DYNC2I2: variants seen among roughly 807,000 people sequenced by gnomAD.
The protein encoded by DYNC2I2 is dynein 2 intermediate chain 2.
In DYNC2I2, 39 loss-of-function variants were observed where a neutral mutation model predicts 52.0. That is an observed-to-expected ratio of 0.75 (90% confidence interval 0.58 to 0.98). The LOEUF (loss-of-function observed/expected upper bound fraction) is 0.98. Ranked by LOEUF, DYNC2I2 falls within the 50% of genes least tolerant of loss-of-function variation. The pLI, the probability that DYNC2I2 is intolerant of heterozygous loss-of-function variation, is 0.00. For synonymous variants in DYNC2I2, 359 were observed against 321.1 expected, an observed-to-expected ratio of 1.12 and a Z score of -1.26; for missense variants, 743 against 728.4, an observed-to-expected ratio of 1.02 and a Z score of -0.23.
chr9:128,655,668 G>A (rs1860807083), intron 1 of DYNC2I2, among the ~76,000 whole-genome samples: 1 of 151,168 alleles, frequency 6.6e-6, no homozygotes. Flanking sequence ...CCAGCACTTT[G>A]GAAGGCCGAG....
At chr9:128,654,590 T>C (rs7849746) in intron 1 of DYNC2I2, among the ~76,000 whole-genome samples, 131,489 of 151,832 alleles carry the variant, frequency 0.87, 57,632 homozygotes, top group Non-Finnish European at 0.95. Flanking sequence ...TAGGGTCTCA[T>C]TCTGTTACCC....
At chr9:128,640,025 T>TTTTTTTTTTG (rs1589431430) in intron 2 of DYNC2I2, among the ~76,000 whole-genome samples, 1 of 148,622 alleles carries the variant, frequency 6.7e-6, no homozygotes. Flanking sequence ...TTTTTTTTTT[T>TTTTTTTTTTG]GAGACAGAGT....
Position 128,636,381 on chromosome 9 carries a change from GT to G in DYNC2I2, c.602del (p.Asp201AlafsTer47). On this transcript the variant is annotated frameshift_variant, in exon 4 of 9. Transcript: ENST00000372715. LOFTEE classifies it high-confidence loss of function. ...LKSFVCAWNL[D>X]RRDLRPQQPS... Reference sequence around the variant, plus strand: ...GCTGCTGGGGACGCAGGTCTCGCCGGTCCAGGTTCCAGGCACACACGAAGGA... The same window carrying G: ...GCTGCTGGGGACGCAGGTCTCGCCGGCCAGGTTCCAGGCACACACGAAGGA... The G allele has an allele frequency of 1.2e-6, 2 of 1,610,372 alleles. No homozygotes were observed. The highest frequency in any genetic ancestry group is 1.7e-6 in the Non-Finnish European group (2 of 1,178,756).
intron 2 of DYNC2I2, 45 bp from the exon 3 acceptor site, chr9:128,637,072 G>A (rs779393506): frequency 4.1e-6 from 6 of 1,462,880 alleles, no homozygotes; most frequent in Non-Finnish European, 5.7e-6. Flanking sequence ...ACCAGCAGGG[G>A]CCTCATGACT....
chr9:128,681,236 G>T, the DYNC2I2 span, among the ~76,000 whole-genome samples: 2 of 152,030 alleles, frequency 1.3e-5, no homozygotes, highest in Non-Finnish European at 1.5e-5. Flanking sequence ...GACTACAGGT[G>T]CGTGCCACCA....
chr9:128,636,071 G>A (rs1470986222), intron 4 of DYNC2I2: 8 of 852,648 alleles, frequency 9.4e-6, no homozygotes, highest in African/African-American at 1.7e-5. Flanking sequence ...CCCTGTCCTG[G>A]CCCCGACCCT....
intron 2 of DYNC2I2, among the ~76,000 whole-genome samples, chr9:128,638,547 A>T (rs1263414612): frequency 1.3e-5 from 2 of 152,156 alleles, no homozygotes; most frequent in African/African-American, 4.8e-5. Flanking sequence ...TAAAAAAATA[A>T]AAAAGAAACT....
intron 2 of DYNC2I2, among the ~76,000 whole-genome samples, chr9:128,638,791 C>G (rs915938811): frequency 2.0e-5 from 3 of 152,252 alleles, no homozygotes; most frequent in Admixed American, 1.3e-4. Flanking sequence ...GGGAATAGCC[C>G]AAATGTCCAT....
At chr9:128,667,050 T>C in the DYNC2I2 span, among the ~76,000 whole-genome samples, 33 of 151,254 alleles carry the variant, frequency 2.2e-4, no homozygotes, top group African/African-American at 7.7e-4. Context: ...AATACAAAAA[T>C]TGGCCAGGTG....
At position 128,640,685 on chromosome 9, in the gene DYNC2I2, C is replaced by A; in HGVS notation, c.435+6G>T. ...CGACCCGAGGCTGCACCAGCCCATC[C>A]CCTACCATCTGCTGCTGCTCGGTCC... On this transcript the variant is annotated splice_donor_region_variant and intron_variant, in intron 2 of 8. Transcript: ENST00000372715. The A allele has an allele frequency of 6.2e-7, 1 of 1,612,936 alleles. No individual in the cohort carries two copies. The highest frequency in any genetic ancestry group is 8.5e-7 in the Non-Finnish European group (1 of 1,179,206).
the DYNC2I2 span, among the ~76,000 whole-genome samples, chr9:128,662,914 C>T: frequency 0.022 from 3,341 of 151,642 alleles, 111 homozygotes; most frequent in African/African-American, 0.077. Flanking sequence ...AAGCATTTCT[C>T]ATGTCTCAGT....
Position 128,633,743 on chromosome 9 carries a change from C to G in DYNC2I2, c.*1G>C. On this transcript the variant is annotated 3_prime_UTR_variant, in exon 9 of 9. Transcript: ENST00000372715. ...GGCTTGCACCCGCCTCCCGGGACCC[C>G]TCAGGCCGCCACCTCTGCTGCCAGG... The G allele has an allele frequency of 6.2e-7, 1 of 1,612,536 alleles. No individual in the cohort carries two copies. Among genetic ancestry groups the G allele is most frequent in the Non-Finnish European group, 8.5e-7 (1 of 1,179,936 alleles).
In DYNC2I2 at chr9:128,634,885, C is replaced by A; in HGVS notation, c.1018G>T (p.Val340Leu). 6.2e-7 allele frequency: 1 copy of A among 1,613,198 alleles called. No individual in the cohort carries two copies. The highest frequency in any genetic ancestry group is 2.2e-5 in the East Asian group (1 of 44,862). The change falls in exon 7 of 9, where the codon GTG (valine) becomes TTG (leucine). Residue 340 changes from valine (V) to leucine (L), a missense_variant. By Grantham distance (32) the Val-to-Leu change is conservative (BLOSUM62 1). Coordinates refer to ENST00000372715, the MANE Select transcript of DYNC2I2 (RefSeq NM_052844.4). ...RGETEVGATA[V>L]AFSSFDPRLF... ...CTAGGGTCAAAGCTGGAGAAGGCCACTGCCGTGGCGCCCACCTCGGTCTCC... is the reference window on the plus strand; with the variant it reads ...CTAGGGTCAAAGCTGGAGAAGGCCAATGCCGTGGCGCCCACCTCGGTCTCC...
In DYNC2I2 at chr9:128,633,924, C is replaced by G; in HGVS notation, c.1431G>C (p.Lys477Asn). Residue 477 changes from lysine (K) to asparagine (N), a missense_variant, in exon 9 of 9, where the codon AAG becomes AAC. Physicochemically the swap from Lys to Asn is moderately conservative, Grantham distance 94. Coordinates refer to ENST00000372715, the MANE Select transcript of DYNC2I2 (RefSeq NM_052844.4). ...AGACAGGGCTTTCATCCTGGGTTTG[C>G]TTGATCAAAACTGTGGGTTTCTGGG... ...KSSQKPTVLI[K>N]QTQDESPVYC... 1 of 1,613,206 alleles carries G rather than the reference C, an allele frequency of 6.2e-7. No homozygotes were observed. The highest frequency in any genetic ancestry group is 8.5e-7 in the Non-Finnish European group (1 of 1,180,028).
At chr9:128,644,675 G>A (rs915963601) in intron 1 of DYNC2I2, among the ~76,000 whole-genome samples, 3 of 152,158 alleles carry the variant, frequency 2.0e-5, no homozygotes, top group Admixed American at 1.3e-4. Flanking sequence ...GCCGCACCAC[G>A]TGTCACTGCG....
chr9:128,658,719 T>TG (rs1356922109), upstream of DYNC2I2, among the ~76,000 whole-genome samples: 248 of 110,624 alleles, frequency 2.2e-3, 3 homozygotes, highest in Non-Finnish European at 3.8e-3. Flanking sequence ...TCACCTGACC[T>TG]AATTTTTTTT....
Position 128,634,762 on chromosome 9 carries a change from G to A in DYNC2I2, c.1141C>T (p.Arg381Trp), listed in dbSNP as rs756766985. 1.1e-5 allele frequency: 18 copies of A among 1,605,626 alleles called. No individual in the cohort carries two copies. The highest frequency in any genetic ancestry group is 8.0e-5 in the African/African-American group (6 of 74,800). Reference sequence around the variant, plus strand: ...GAGAAGGTAAACTGTGCTGGGGCCCGCAGGGGCACGGAGCTGGGCATCCGC... The same window carrying A: ...GAGAAGGTAAACTGTGCTGGGGCCCACAGGGGCACGGAGCTGGGCATCCGC... ...LTRMPSSVPL[R>W]APAQFTFSPH... The change falls in exon 7 of 9, where the codon CGG (arginine) becomes TGG (tryptophan). Residue 381 changes from arginine to tryptophan, a missense_variant. Transcript: ENST00000372715.
At chr9:128,678,448 ATTTTTTTTTT>A in the DYNC2I2 span, among the ~76,000 whole-genome samples, 47 of 61,378 alleles carry the variant, frequency 7.7e-4, no homozygotes, top group African/African-American at 2.6e-3. Flanking sequence ...ACCACAGGTA[ATTTTTTTTTT>A]TTTTTTTTTT....
rs776141354 is a variant in DYNC2I2 at position 128,633,865 on chromosome 9, AG to A, written c.1489del (p.Leu497SerfsTer11). On this transcript the variant is annotated frameshift_variant, in exon 9 of 9. Coordinates refer to ENST00000372715, the MANE Select transcript of DYNC2I2 (RefSeq NM_052844.4). LOFTEE classifies it high-confidence loss of function. The stretch of plus-strand genomic sequence containing the variant: ...GCCCTGGGCATCGCCCGCAGCCAAG[AG>A]CTGAGTCTGCTGGCTGTTGAACTCC... ...CLEFNSQQTQ[L>X]LAAGDAQGTV... is the part of the protein sequence containing the mutation. The A allele has an allele frequency of 6.2e-7, 1 of 1,613,586 alleles. No homozygotes were observed. The highest frequency in any genetic ancestry group is 1.1e-5 in the South Asian group (1 of 91,084).
Sources: allele counts gnomAD v4.1 joint callset (sites outside exome capture counted in the v4.1 genomes callset), GRCh38; gene constraint gnomAD v4.1.1; transcripts MANE v1.5; gene names NCBI Gene and HGNC (gene_info 2026-07-23, HGNC 2026-07-21).